The following PTPRJ variants were observed in gnomAD, a reference collection of about 807,000 sequenced individuals.
The protein encoded by PTPRJ is protein tyrosine phosphatase receptor type J.
PTPRJ carries 129 observed loss-of-function variants against 141.3 expected under a neutral mutation model. The observed-to-expected ratio is 0.91, with a 90% CI of 0.79 to 1.06. The LOEUF is 1.06. Ranked by LOEUF, PTPRJ falls within the 50% of genes least tolerant of loss-of-function variation. The pLI, the probability that PTPRJ is intolerant of heterozygous loss-of-function variation, is 0.00. For synonymous variants in PTPRJ, 610 were observed against 640.5 expected, an observed-to-expected ratio of 0.95 and a Z score of 0.72; for missense variants, 1,601 against 1,679.7, an observed-to-expected ratio of 0.95 and a Z score of 0.82.
intron 1 of PTPRJ, among the ~76,000 whole-genome samples, chr11:47,995,759 G>T (rs1280570250): frequency 6.6e-6 from 1 of 152,230 alleles, no homozygotes; most frequent in South Asian, 2.1e-4. Flanking sequence ...GAACGTGGGG[G>T]TCAGGCGTGG....
At chr11:48,041,867 C>T (rs1267312992) in intron 1 of PTPRJ, among the ~76,000 whole-genome samples, 1 of 151,748 alleles carries the variant, frequency 6.6e-6, no homozygotes, top group African/African-American at 2.4e-5. Context: ...CCTGACTCAG[C>T]CTCCCAAAGT....
At chr11:48,077,483 T>C (rs974561802) in intron 1 of PTPRJ, among the ~76,000 whole-genome samples, 14 of 152,204 alleles carry the variant, frequency 9.2e-5, no homozygotes, top group Non-Finnish European at 1.5e-4. Context: ...GAATGAGAAA[T>C]GGAATCCCTC....
At chr11:48,146,467 G>A (rs1465119443) in intron 14 of PTPRJ, among the ~76,000 whole-genome samples, 1 of 152,162 alleles carries the variant, frequency 6.6e-6, no homozygotes, top group African/African-American at 2.4e-5. Context: ...AAACAAATGG[G>A]TTTCCTGTCA....
chr11:48,000,136 G>A (rs940975982), intron 1 of PTPRJ, among the ~76,000 whole-genome samples: 1 of 146,644 alleles, frequency 6.8e-6, no homozygotes, highest in Non-Finnish European at 1.5e-5. Flanking sequence ...TGGTATGCCT[G>A]GCCCTTTTTT....
At chr11:47,998,525 G>A (rs1457486441) in intron 1 of PTPRJ, among the ~76,000 whole-genome samples, 2 of 152,186 alleles carry the variant, frequency 1.3e-5, no homozygotes, top group Non-Finnish European at 2.9e-5. Context: ...TGGCTCTCCT[G>A]TAATCTCGCT....
At position 48,059,109 on chromosome 11, in the gene PTPRJ, C is replaced by CTT. The variant is rs1437506736; in HGVS notation, c.97-50949_97-50948insTT. 4.1e-4 allele frequency among the ~76,000 whole-genome samples: 52 copies of CTT among 125,912 alleles called. 2 individuals carry two copies. Among genetic ancestry groups the CTT allele is most frequent in the African/African-American group, 5.7e-4 (16 of 28,260 alleles). The allele number at this position is 125,912 out of a possible 152,430, so 82.6% of individuals were successfully genotyped here. On this transcript the variant is annotated intron_variant, in intron 1 of 24. Coordinates refer to ENST00000418331, the MANE Select transcript of PTPRJ (RefSeq NM_002843.4). Reference sequence around the variant, plus strand: ...CCTGATCGCTCCCTACTGTGCTGTGCCTTTTTTTTTTTTTTTTTTTTTTTT... The same window carrying CTT: ...CCTGATCGCTCCCTACTGTGCTGTGCTTCTTTTTTTTTTTTTTTTTTTTTTTT...
chr11:48,091,379 A>G (rs1855862630), intron 1 of PTPRJ, among the ~76,000 whole-genome samples: 1 of 152,106 alleles, frequency 6.6e-6, no homozygotes, highest in Non-Finnish European at 1.5e-5. Flanking sequence ...ACTATCCCAG[A>G]TATGCATTTT....
intron 1 of PTPRJ, among the ~76,000 whole-genome samples, chr11:48,000,164 A>C (rs1315786154): frequency 1.6e-5 from 2 of 123,736 alleles, no homozygotes; most frequent in African/African-American, 3.2e-5. Context: ...TTTTTGAGAT[A>C]GGGTCGTGTT....
intron 21 of PTPRJ, among the ~76,000 whole-genome samples, chr11:48,159,384 G>A (rs935373834): frequency 6.6e-5 from 10 of 152,196 alleles, no homozygotes; most frequent in Non-Finnish European, 1.5e-4. Flanking sequence ...GGGAGAAGAT[G>A]AGGTCAGTGA....
chr11:48,025,826 C>A (rs144120807), intron 1 of PTPRJ, among the ~76,000 whole-genome samples: 78 of 152,360 alleles, frequency 5.1e-4, no homozygotes, highest in African/African-American at 1.2e-3. Flanking sequence ...TTCCCTCCCC[C>A]TGAATCCCTC....
intron 8 of PTPRJ, among the ~76,000 whole-genome samples, chr11:48,134,737 C>T (rs893252351): frequency 3.3e-5 from 5 of 152,118 alleles, no homozygotes; most frequent in African/African-American, 1.2e-4. Flanking sequence ...CCAGCCTCCG[C>T]GGTTACTTCC....
intron 1 of PTPRJ, among the ~76,000 whole-genome samples, chr11:48,092,846 C>T (rs1244713410): frequency 2.6e-5 from 4 of 152,190 alleles, no homozygotes; most frequent in Non-Finnish European, 5.9e-5. Context: ...GGGCACTTGG[C>T]TTGTTTCCAT....
chr11:48,157,168 T>C (rs1857632814), intron 21 of PTPRJ, among the ~76,000 whole-genome samples: 2 of 151,934 alleles, frequency 1.3e-5, no homozygotes, highest in Admixed American at 1.3e-4. Context: ...TTTGTATTTT[T>C]AGTAGAGACA....
chr11:48,046,889 C>CATATATATAT (rs1243672838), intron 1 of PTPRJ, among the ~76,000 whole-genome samples: 2 of 76,912 alleles, frequency 2.6e-5, no homozygotes, highest in African/African-American at 8.4e-5. Context: ...AATATGTTTA[C>CATATATATAT]ATATATATAT....
At chr11:48,117,059 A>G (rs1302483129) in intron 3 of PTPRJ, among the ~76,000 whole-genome samples, 2 of 152,236 alleles carry the variant, frequency 1.3e-5, no homozygotes, top group African/African-American at 2.4e-5. Flanking sequence ...GCCATCTCCC[A>G]CAGTAACTAT....
intron 1 of PTPRJ, among the ~76,000 whole-genome samples, chr11:48,058,135 C>T (rs528744082): frequency 1.3e-5 from 2 of 152,150 alleles, no homozygotes; most frequent in Non-Finnish European, 2.9e-5. Flanking sequence ...TGGTCTTCAA[C>T]TACTGGCCTC....
At chr11:48,143,628 G>A (rs1358186831) in intron 12 of PTPRJ, among the ~76,000 whole-genome samples, 1 of 152,198 alleles carries the variant, frequency 6.6e-6, no homozygotes, top group Non-Finnish European at 1.5e-5. Context: ...AGAAGAGGTG[G>A]ATTAAAAGCT....
chr11:48,139,916 A>G (rs781187131), intron 11 of PTPRJ, 140 bp downstream of exon 11: 11 of 901,428 alleles, frequency 1.2e-5, no homozygotes, highest in Non-Finnish European at 1.8e-5. Context: ...TTACTGACAT[A>G]GACTGGTTTC....
intron 16 of PTPRJ, 48 bp downstream of exon 16, chr11:48,149,536 C>A: frequency 1.7e-6 from 2 of 1,184,054 alleles, no homozygotes; most frequent in South Asian, 1.5e-5. Flanking sequence ...CCAATCTGTT[C>A]GGTGACTATC....
Sources: gnomAD v4.1 joint callset for allele counts (sites outside exome capture counted in the v4.1 genomes callset) on GRCh38, gnomAD v4.1.1 for gene constraint, MANE v1.5 for transcripts, NCBI Gene and HGNC (gene_info 2026-07-23, HGNC 2026-07-21) for gene names.